The following SSH2 variants were observed in gnomAD, a reference collection of about 807,000 sequenced individuals.
SSH2 encodes the protein protein phosphatase Slingshot homolog 2.
In SSH2, 37 loss-of-function variants were observed where a neutral mutation model predicts 135.2. That is an observed-to-expected ratio of 0.27 (90% CI 0.21 to 0.36). The LOEUF (loss-of-function observed/expected upper bound fraction) is 0.36. Ranked by LOEUF, SSH2 falls within the 10% of genes least tolerant of loss-of-function variation. The pLI is 1.00. For missense variants in SSH2, 1,408 were observed against 1,765.3 expected, an observed-to-expected ratio of 0.80 and a Z score of 3.63; for synonymous variants, 628 against 646.2, an observed-to-expected ratio of 0.97 and a Z score of 0.43.
intron 1 of SSH2, among the ~76,000 whole-genome samples, chr17:29,914,849 T>C (rs2066854356): frequency 6.6e-6 from 1 of 152,192 alleles, no homozygotes; most frequent in Non-Finnish European, 1.5e-5. Context: ...GTCATGCCAC[T>C]TTCAATCTAA....
At chr17:29,892,290 A>C in intron 1 of SSH2, among the ~76,000 whole-genome samples, 1 of 151,872 alleles carries the variant, frequency 6.6e-6, no homozygotes. Flanking sequence ...CACCTCACCT[A>C]TAAAAGGAAT....
intron 3 of SSH2, among the ~76,000 whole-genome samples, chr17:29,711,971 G>A (rs1219318993): frequency 6.6e-6 from 1 of 152,178 alleles, no homozygotes; most frequent in Non-Finnish European, 1.5e-5. Context: ...CACAGCCTGA[G>A]GAGGTCCTGA....
intron 8 of SSH2, among the ~76,000 whole-genome samples, chr17:29,672,874 T>C (rs1418510560): frequency 6.6e-6 from 1 of 152,054 alleles, no homozygotes; most frequent in Non-Finnish European, 1.5e-5. Flanking sequence ...ACCGGGCTGA[T>C]TTTTGTATTT....
chr17:29,838,389 C>G lies in SSH2; in HGVS notation c.144+10460G>C, dbSNP rs116939291. On this transcript the variant is annotated intron_variant, in intron 2 of 15. Transcript: ENST00000540801. ...ACCATGAATGGAAGCAGGAAGCAGG[C>G]AGACTCCTAGGCAGACAATGGTCAG... is the stretch of plus-strand genomic sequence containing the variant. 6.5e-3 allele frequency among the ~76,000 whole-genome samples: 987 copies of G among 152,350 alleles called. 8 individuals are homozygous for G. The highest frequency in any genetic ancestry group is 0.029 in the South Asian group (138 of 4,830).
intron 3 of SSH2, among the ~76,000 whole-genome samples, chr17:29,742,055 C>A (rs1167861651): frequency 6.7e-6 from 1 of 150,162 alleles, no homozygotes; most frequent in African/African-American, 2.5e-5. Flanking sequence ...CTGCCTCAGG[C>A]TTCCAAATAG....
intron 3 of SSH2, among the ~76,000 whole-genome samples, chr17:29,720,769 G>C (rs569909382): frequency 2.0e-4 from 30 of 152,002 alleles, no homozygotes; most frequent in Non-Finnish European, 3.8e-4. Context: ...GGAACAGGAG[G>C]AGGAAGAGAA....
chr17:29,724,207 C>G (rs1038046506), intron 3 of SSH2, among the ~76,000 whole-genome samples: 12 of 152,160 alleles, frequency 7.9e-5, no homozygotes, highest in Non-Finnish European at 1.5e-4. Context: ...CTCATATAAT[C>G]TAACTGAGGT....
chr17:29,859,801 A>C (rs564566648), intron 1 of SSH2, among the ~76,000 whole-genome samples: 1 of 152,272 alleles, frequency 6.6e-6, no homozygotes, highest in South Asian at 2.1e-4. Flanking sequence ...TCCTTTGGGT[A>C]TATATCCAGT....
In SSH2 at chr17:29,632,050, G is replaced by A. The variant is rs2035703797; in HGVS notation, c.3144C>T (p.Pro1048=). The A allele has an allele frequency of 6.2e-7, 1 of 1,614,200 alleles. No homozygotes were observed. Among genetic ancestry groups the A allele is most frequent in the Non-Finnish European group, 8.5e-7 (1 of 1,180,032 alleles). Residue 1048 remains proline, a synonymous_variant, in exon 16 of 16, where the codon CCC becomes CCT. Transcript: ENST00000540801. The stretch of plus-strand genomic sequence containing the variant: ...TTTCACTCCCTGGCCCAGTGTGATT[G>A]GGTGATGTAACTATGTGGGTATATT... The part of the protein sequence containing the change: ...IIEYTHIVTS[P]NHTGPGSEIA...
chr17:29,917,123 A>C (rs1423308889), intron 1 of SSH2, among the ~76,000 whole-genome samples: 1 of 152,162 alleles, frequency 6.6e-6, no homozygotes, highest in Non-Finnish European at 1.5e-5. Flanking sequence ...AATACCCACA[A>C]ACACACACTT....
chr17:29,787,632 C>T (rs1019908115), intron 3 of SSH2: 2 of 152,140 alleles, frequency 1.3e-5, no homozygotes, highest in Non-Finnish European at 2.9e-5. Context: ...TCTCCATATC[C>T]TCACCAACGC....
Position 29,631,610 on chromosome 17 carries a change from A to G in SSH2, c.3584T>C (p.Leu1195Pro), listed in dbSNP as rs79370191. The G allele has an allele frequency of 3.2e-4, 510 of 1,614,142 alleles. 7 individuals are homozygous for G. The East Asian group carries it at 0.011, about 35-fold the overall frequency. ...ATATGGCACCTCACTGCCACTGGAGAGAGGGCTCTCCTGACTTTCTTCCCA... is the reference window on the plus strand; with the variant it reads ...ATATGGCACCTCACTGCCACTGGAGGGAGGGCTCTCCTGACTTTCTTCCCA... The part of the protein sequence containing the change: ...VSWEESQESP[L>P]SSGSEVPYKD... The change falls in exon 16 of 16, where the codon CTC becomes CCC. Residue 1195 changes from leucine to proline, a missense_variant. Physicochemically the swap from Leu to Pro is moderately conservative, Grantham distance 98. Coordinates refer to ENST00000540801, the MANE Select transcript of SSH2 (RefSeq NM_001282129.2).
intron 14 of SSH2, among the ~76,000 whole-genome samples, chr17:29,639,343 G>C (rs754290804): frequency 1.1e-4 from 17 of 152,080 alleles, no homozygotes; most frequent in Non-Finnish European, 2.4e-4. Context: ...GGTCCTTGGG[G>C]GTGTGGTCTC....
intron 2 of SSH2, among the ~76,000 whole-genome samples, chr17:29,833,570 C>A (rs1336636725): frequency 6.6e-6 from 1 of 152,006 alleles, no homozygotes; most frequent in Non-Finnish European, 1.5e-5. Flanking sequence ...AGAGTTTAGT[C>A]CATTTACATT....
chr17:29,765,982 T>C (rs1212916890), intron 3 of SSH2, among the ~76,000 whole-genome samples: 1 of 134,542 alleles, frequency 7.4e-6, no homozygotes, highest in Non-Finnish European at 1.5e-5. Context: ...ATCGCACTGC[T>C]GCACTCCAGC....
intron 3 of SSH2, among the ~76,000 whole-genome samples, chr17:29,790,122 T>C (rs2042038224): frequency 6.6e-6 from 1 of 152,174 alleles, no homozygotes; most frequent in Non-Finnish European, 1.5e-5. Context: ...TATGAGAACA[T>C]GAATTTTGTG....
At chr17:29,733,924 T>C (rs1002818676) in intron 3 of SSH2, among the ~76,000 whole-genome samples, 16 of 150,460 alleles carry the variant, frequency 1.1e-4, no homozygotes, top group Non-Finnish European at 2.2e-4. Flanking sequence ...TTTTTTTTTT[T>C]TTTTGAGATG....
chr17:29,925,449 C>T, intron 1 of SSH2: 1 of 398,378 alleles, frequency 2.5e-6, no homozygotes, highest in Non-Finnish European at 4.4e-6. Flanking sequence ...GTCACAGTGG[C>T]TCATGACTAT....
chr17:29,671,902 A>C, intron 9 of SSH2, 33 bp downstream of exon 9: 1 of 1,571,496 alleles, frequency 6.4e-7, no homozygotes, highest in Non-Finnish European at 8.7e-7. Context: ...CATAATGGAG[A>C]GAACTTCCAT....
Sources: gnomAD v4.1 joint callset for allele counts (sites outside exome capture counted in the v4.1 genomes callset) on GRCh38, gnomAD v4.1.1 for gene constraint, MANE v1.5 for transcripts, NCBI Gene and HGNC (gene_info 2026-07-23, HGNC 2026-07-21) for gene names.